Variants in FAM81A observed in about 807,000 individuals in gnomAD.
FAM81A encodes protein FAM81A.
FAM81A carries 19 observed loss-of-function variants against 46.7 expected under a neutral mutation model. The ratio of observed to expected loss-of-function variants is 0.41; its 90% confidence interval spans 0.28 to 0.60. FAM81A has a LOEUF of 0.60. Ranked by LOEUF, FAM81A falls within the 20% of genes least tolerant of loss-of-function variation. The pLI, the probability that FAM81A is intolerant of heterozygous loss-of-function variation, is 0.34. For missense variants in FAM81A, 377 were observed against 453.5 expected (o/e 0.83, Z 1.53); for synonymous variants, 183 against 152.9 (o/e 1.20, Z -1.45).
intron 1 of FAM81A, chr15:59,401,394 G>A: frequency 1.3e-6 from 1 of 791,210 alleles, no homozygotes; most frequent in East Asian, 2.4e-5. Context: ...GGGGACGACG[G>A]GTTCTTCTTT....
intron 1 of FAM81A, among the ~76,000 whole-genome samples, chr15:59,444,945 T>G (rs371745543): frequency 6.6e-6 from 1 of 152,202 alleles, no homozygotes; most frequent in South Asian, 2.1e-4. Context: ...GATAATAAAA[T>G]GGTTTATCGG....
intron 3 of FAM81A, among the ~76,000 whole-genome samples, chr15:59,467,132 A>G (rs188673413): frequency 2.0e-5 from 3 of 152,322 alleles, no homozygotes; most frequent in South Asian, 2.1e-4. Flanking sequence ...GTTTGAAGTC[A>G]GGTAGCATGA....
At chr15:59,441,937 C>T (rs548767212) in intron 1 of FAM81A, among the ~76,000 whole-genome samples, 12 of 152,236 alleles carry the variant, frequency 7.9e-5, no homozygotes, top group South Asian at 2.1e-4. Context: ...CCTCACTGGG[C>T]GCCCTCGCCC....
intron 2 of FAM81A, among the ~76,000 whole-genome samples, chr15:59,406,420 A>C (rs1778353817): frequency 6.6e-6 from 1 of 152,238 alleles, no homozygotes; most frequent in Admixed American, 6.5e-5. Context: ...TCAGGATCCT[A>C]AAGTAGATAC....
At chr15:59,502,102 T>C (rs1009480252) in intron 4 of FAM81A, among the ~76,000 whole-genome samples, 9 of 151,824 alleles carry the variant, frequency 5.9e-5, no homozygotes, top group African/African-American at 2.2e-4. Context: ...TTCATGCATG[T>C]AATTTTTTTC....
chr15:59,503,989 C>G (rs916171435), intron 4 of FAM81A, among the ~76,000 whole-genome samples: 1 of 152,130 alleles, frequency 6.6e-6, no homozygotes, highest in Non-Finnish European at 1.5e-5. Context: ...TGAGACTTTT[C>G]AAACTACATT....
Position 59,460,270 on chromosome 15 carries a change from TCACCCA to T in FAM81A, c.294+67_294+72del. 1 of 1,605,782 alleles carries T rather than the reference TCACCCA, an allele frequency of 6.2e-7. No homozygotes were observed. The highest frequency in any genetic ancestry group is 8.5e-7 in the Non-Finnish European group (1 of 1,173,342). Reference sequence around the variant, plus strand: ...CACAGAATTGCTCCATGTCAGGAGGTCACCCACATCTAACTCCTACCTCCCAGGCAG... The same window carrying T: ...CACAGAATTGCTCCATGTCAGGAGGTCATCTAACTCCTACCTCCCAGGCAG... On this transcript the variant is annotated intron_variant, in intron 3 of 8. Coordinates refer to ENST00000288228, the MANE Select transcript of FAM81A (RefSeq NM_152450.3). This position sits in a 1 kb window ranked among gnomAD's most constrained non-coding sequence, Gnocchi z 4.4.
Position 59,460,354 on chromosome 15 carries a change from G to A in FAM81A, c.294+148G>A. ...CTTGTCTATTCTTAATGATCGCCAA[G>A]GAGACAGCTTGCAGAAATATCCTAA... is the stretch of plus-strand genomic sequence containing the variant. On this transcript the variant is annotated intron_variant, in intron 3 of 8. Transcript: ENST00000288228. This position sits in a 1 kb window ranked among gnomAD's most constrained non-coding sequence, Gnocchi z 4.4. 9.6e-7 allele frequency: 1 copy of A among 1,042,926 alleles called. No individual in the cohort carries two copies. Among genetic ancestry groups the A allele is most frequent in the Non-Finnish European group, 1.5e-6 (1 of 671,058 alleles). 64.6% of individuals were successfully genotyped at this position (1,042,926 alleles called of 1,614,324 possible). A position where few individuals can be genotyped will look rare whatever the true frequency, so the allele number is the denominator to read the frequency against.
At chr15:59,467,088 C>G (rs888884442) in intron 3 of FAM81A, among the ~76,000 whole-genome samples, 21 of 152,246 alleles carry the variant, frequency 1.4e-4, no homozygotes, top group African/African-American at 4.6e-4. Flanking sequence ...GTACCAGTAC[C>G]ATGCCGTTTT....
At chr15:59,403,284 G>A (rs552126831) in intron 2 of FAM81A, among the ~76,000 whole-genome samples, 4 of 151,722 alleles carry the variant, frequency 2.6e-5, no homozygotes, top group East Asian at 1.9e-4. Flanking sequence ...TTGGAGATCC[G>A]GCATTTAAAG....
chr15:59,511,456 A>T (rs139376315), intron 6 of FAM81A, among the ~76,000 whole-genome samples: 118 of 152,286 alleles, frequency 7.7e-4, no homozygotes, highest in African/African-American at 2.7e-3. Flanking sequence ...TTCACATCAG[A>T]TATGTGAAAG....
chr15:59,398,496 T>C (rs2081056331), intron 1 of FAM81A, among the ~76,000 whole-genome samples: 4 of 152,106 alleles, frequency 2.6e-5, no homozygotes, highest in Admixed American at 1.3e-4. Flanking sequence ...TGGCAGCTCA[T>C]GCCTGTAATC....
chr15:59,407,171 C>A, intron 2 of FAM81A: 1 of 156,860 alleles, frequency 6.4e-6, no homozygotes, highest in South Asian at 1.8e-4. Context: ...TGCAGGTGTT[C>A]CTGTGGACTA....
intron 2 of FAM81A, among the ~76,000 whole-genome samples, chr15:59,431,885 C>T (rs2141565372): frequency 6.6e-6 from 1 of 152,238 alleles, no homozygotes; most frequent in Middle Eastern, 3.4e-3. Flanking sequence ...GGCTCCAGTG[C>T]CTGGTAGAGA....
rs964610408 is a variant in FAM81A at position 59,489,137 on chromosome 15, C to T, written c.295-3134C>T. Among the ~76,000 whole-genome samples the T allele has an allele frequency of 4.0e-3, 602 of 151,508 alleles. 7 individuals carry two copies. The highest frequency in any genetic ancestry group is 0.014 in the African/African-American group (581 of 41,342). On this transcript the variant is annotated intron_variant, in intron 3 of 8. Transcript: ENST00000288228. ...AAAATTAGCCGGGCATAGTGGCGGG[C>T]GCCTGTAGTCCCAGCTACTCGGGAG...
chr15:59,439,656 A>G (rs546139365), intron 1 of FAM81A, among the ~76,000 whole-genome samples: 37 of 150,858 alleles, frequency 2.5e-4, no homozygotes, highest in Middle Eastern at 3.4e-3. Context: ...ACAGTTTCCA[A>G]TGCTAATGAA....
Position 59,521,671 on chromosome 15 carries a change from A to G in FAM81A, c.*293A>G, listed in dbSNP as rs79812665. Reference sequence around the variant, plus strand: ...TCTTCATTTTACGAATGGAAAGACGACAATTTTTCTTCAATGCTTGATGCA... The same window carrying G: ...TCTTCATTTTACGAATGGAAAGACGGCAATTTTTCTTCAATGCTTGATGCA... On this transcript the variant is annotated 3_prime_UTR_variant, in exon 9 of 9. Transcript: ENST00000288228. 2,527 of 238,622 alleles carry G rather than the reference A, an allele frequency of 0.011. 56 individuals carry two copies. The highest frequency in any genetic ancestry group is 0.052 in the African/African-American group (2,329 of 44,584). The allele number at this position is 238,622 out of a possible 1,614,324, so 14.8% of individuals were successfully genotyped here. A position where few individuals can be genotyped will look rare whatever the true frequency, so the allele number is the denominator to read the frequency against.
In FAM81A at chr15:59,483,491, A is replaced by G. The variant is rs188978257; in HGVS notation, c.295-8780A>G. Among the ~76,000 whole-genome samples the G allele has an allele frequency of 1.8e-3, 280 of 152,316 alleles. 1 individual carries two copies. The highest frequency in any genetic ancestry group is 1.5e-3 in the South Asian group (7 of 4,826). On this transcript the variant is annotated intron_variant, in intron 3 of 8. Transcript: ENST00000288228. ...TTTTCTTTATGTATGTTATACTTCA[A>G]AAAAGAAAAGAAAATAGAGTTAAGA... is the stretch of plus-strand genomic sequence containing the variant.
At chr15:59,462,961 G>T (rs2081570558) in intron 3 of FAM81A, among the ~76,000 whole-genome samples, 1 of 152,122 alleles carries the variant, frequency 6.6e-6, no homozygotes, top group Non-Finnish European at 1.5e-5. Context: ...CCACTCTGTG[G>T]CTTATATTTT....
Sources: allele counts gnomAD v4.1 joint callset (sites outside exome capture counted in the v4.1 genomes callset), GRCh38; gene constraint gnomAD v4.1.1; non-coding constraint Gnocchi (gnomAD v3.1); transcripts MANE v1.5; gene names NCBI Gene and HGNC (gene_info 2026-07-23, HGNC 2026-07-21).